Variants in ACAP2 observed in about 807,000 individuals in gnomAD.
ACAP2 encodes the protein arf-GAP with coiled-coil, ANK repeat and PH domain-containing protein 2.
In ACAP2, 39 loss-of-function variants were observed where a neutral mutation model predicts 115.8. That is an observed-to-expected ratio of 0.34 (90% CI 0.26 to 0.44). ACAP2 has a LOEUF of 0.44. Among genes scored for constraint, ACAP2 ranks in the 20% least tolerant of loss-of-function variants. The pLI is 1.00. For synonymous variants in ACAP2, 289 were observed against 315.8 expected, an observed-to-expected ratio of 0.92 and a Z score of 0.90; for missense variants, 662 against 927.6, an observed-to-expected ratio of 0.71 and a Z score of 3.72.
At chr3:195,415,173 A>G (rs1713612884) in intron 1 of ACAP2, among the ~76,000 whole-genome samples, 1 of 152,218 alleles carries the variant, frequency 6.6e-6, no homozygotes, top group Non-Finnish European at 1.5e-5. Context: ...TCATTCTGGT[A>G]CAGGATGTTG....
chr3:195,429,378 CA>C (rs546876570), intron 1 of ACAP2, among the ~76,000 whole-genome samples: 1,760 of 89,038 alleles, frequency 0.02, 12 homozygotes, highest in African/African-American at 0.038. Flanking sequence ...GACTCCATCT[CA>C]AAAAAAAAAA....
At chr3:195,378,516 A>C (rs1011501767) in intron 4 of ACAP2, among the ~76,000 whole-genome samples, 4 of 141,122 alleles carry the variant, frequency 2.8e-5, no homozygotes, top group Non-Finnish European at 6.1e-5. Flanking sequence ...ACAAACAAAC[A>C]AAAAAAAACA....
At chr3:195,347,286 A>G (rs374323933) in intron 4 of ACAP2, among the ~76,000 whole-genome samples, 10 of 152,284 alleles carry the variant, frequency 6.6e-5, no homozygotes, top group East Asian at 3.9e-4. Flanking sequence ...GAACACTAAC[A>G]ACATTTAAGA....
intron 9 of ACAP2, among the ~76,000 whole-genome samples, chr3:195,323,232 A>G (rs912987753): frequency 3.3e-4 from 50 of 152,168 alleles, no homozygotes; most frequent in African/African-American, 1.2e-3. Context: ...ACTCCTAGCC[A>G]GCAAAATAAC....
chr3:195,440,004 C>T lies in ACAP2; in HGVS notation c.53+2791G>A, dbSNP rs138400640. On this transcript the variant is annotated intron_variant, in intron 1 of 22. Coordinates refer to ENST00000326793, the MANE Select transcript of ACAP2 (RefSeq NM_012287.6). ...AATTTTAAAGACCTACTACATGCAA[C>T]TACATACAATTAAGGGCCCAAACAA... 9.4e-3 allele frequency among the ~76,000 whole-genome samples: 1,429 copies of T among 152,214 alleles called. 14 individuals are homozygous for T. The highest frequency in any genetic ancestry group is 0.031 in the Middle Eastern group (9 of 294).
rs1172183103 is a variant in ACAP2 at position 195,278,692 on chromosome 3, C to T, written c.*636G>A. 6.6e-6 allele frequency: 1 copy of T among 151,782 alleles called. No homozygotes were observed. The highest frequency in any genetic ancestry group is 1.5e-5 in the Non-Finnish European group (1 of 67,968). The allele number at this position is 151,782 out of a possible 1,614,324, so 9.4% of individuals were successfully genotyped here. On this transcript the variant is annotated 3_prime_UTR_variant, in exon 23 of 23. Transcript: ENST00000326793. ...AGGACTGAATTATGGTCTACCTGTA[C>T]AGCCATTATACATACATACATTAAA...
At chr3:195,332,765 G>A (rs893694090) in intron 8 of ACAP2, among the ~76,000 whole-genome samples, 3 of 152,112 alleles carry the variant, frequency 2.0e-5, no homozygotes, top group African/African-American at 2.4e-5. Context: ...TTTCTCCTGC[G>A]TTCATTCTCC....
chr3:195,365,998 C>T (rs1022958128), intron 4 of ACAP2, among the ~76,000 whole-genome samples: 1 of 152,046 alleles, frequency 6.6e-6, no homozygotes, highest in Non-Finnish European at 1.5e-5. Flanking sequence ...CGCGCCACCA[C>T]ACCCGAATAA....
rs6787739 is a variant in ACAP2, at chr3:195,293,963, C to T, written c.1765+756G>A. ...CCTGGCTAACATGGTGAAACCCCAC[C>T]TCTACTAAAAATACAAAAAAAAAAA... On this transcript the variant is annotated intron_variant, in intron 18 of 22. Coordinates refer to ENST00000326793, the MANE Select transcript of ACAP2 (RefSeq NM_012287.6). Among the ~76,000 whole-genome samples, 432 of 151,062 alleles carry T rather than the reference C, an allele frequency of 2.9e-3. 6 individuals carry two copies. The highest frequency in any genetic ancestry group is 8.0e-4 in the Non-Finnish European group (54 of 67,762).
intron 1 of ACAP2, among the ~76,000 whole-genome samples, chr3:195,409,897 A>G (rs1474040680): frequency 6.6e-6 from 1 of 150,690 alleles, no homozygotes; most frequent in African/African-American, 2.4e-5. Flanking sequence ...AAAAAAAAAA[A>G]AAAAAAAAAC....
At chr3:195,382,346 A>G (rs1372193919) in intron 2 of ACAP2, among the ~76,000 whole-genome samples, 6 of 152,244 alleles carry the variant, frequency 3.9e-5, no homozygotes, top group South Asian at 4.1e-4. Flanking sequence ...GCAGATAGCT[A>G]AAGTGATTAA....
intron 10 of ACAP2, among the ~76,000 whole-genome samples, chr3:195,315,693 AGT>A: frequency 6.6e-6 from 1 of 152,338 alleles, no homozygotes; most frequent in Middle Eastern, 3.4e-3. Flanking sequence ...CTATGATTCT[AGT>A]CAATAACTGC....
chr3:195,289,164 A>T lies in ACAP2; in HGVS notation c.2131T>A (p.Leu711Met). The change falls in exon 21 of 23, where the codon TTG becomes ATG. Residue 711 changes from leucine (L) to methionine (M), a missense_variant. This residue lies in a region of ACAP2 where 128 missense variants were observed against 200.2 expected (regional missense o/e 0.64). Coordinates refer to ENST00000326793, the MANE Select transcript of ACAP2 (RefSeq NM_012287.6). ...HATDEEGKDP[L>M]SIAVEAANAD... ...TTGGCTGCTTCCACAGCTATGCTCAAAGGGTCTTTCCCTTCTTCATCAGTG... is the reference window on the plus strand; with the variant it reads ...TTGGCTGCTTCCACAGCTATGCTCATAGGGTCTTTCCCTTCTTCATCAGTG... 1 of 1,613,690 alleles carries T rather than the reference A, an allele frequency of 6.2e-7. No homozygotes were observed. The highest frequency in any genetic ancestry group is 8.5e-7 in the Non-Finnish European group (1 of 1,179,894).
At chr3:195,420,930 C>T (rs1487871196) in intron 1 of ACAP2, among the ~76,000 whole-genome samples, 1 of 152,206 alleles carries the variant, frequency 6.6e-6, no homozygotes, top group South Asian at 2.1e-4. Flanking sequence ...AGGTGTGAGC[C>T]GCCGCACCTG....
intron 8 of ACAP2, among the ~76,000 whole-genome samples, chr3:195,328,699 A>G (rs976540118): frequency 6.6e-6 from 1 of 152,252 alleles, no homozygotes; most frequent in Admixed American, 6.5e-5. Flanking sequence ...GTAGCCCTCA[A>G]ATTCAAAATA....
rs987042941 is a variant in ACAP2 at position 195,275,735 on chromosome 3, T to C, written c.*3593A>G. 1 of 152,202 alleles carries C rather than the reference T, an allele frequency of 6.6e-6. No individual in the cohort carries two copies. Among genetic ancestry groups the C allele is most frequent in the Non-Finnish European group, 1.5e-5 (1 of 68,036 alleles). The allele number at this position is 152,202 out of a possible 1,614,324, so 9.4% of individuals were successfully genotyped here. ...CTAGGATCAAAAAAGTAGACAACTT[T>C]GGAGCTTAGATTAAGATCTCAGAAA... On this transcript the variant is annotated 3_prime_UTR_variant, in exon 23 of 23. Coordinates refer to ENST00000326793, the MANE Select transcript of ACAP2 (RefSeq NM_012287.6).
At chr3:195,394,671 C>T (rs1010823655) in intron 1 of ACAP2, among the ~76,000 whole-genome samples, 3 of 152,240 alleles carry the variant, frequency 2.0e-5, no homozygotes, top group East Asian at 1.9e-4. Context: ...CAAAAAGTAG[C>T]GTCAGGCCAG....
chr3:195,301,990 C>T lies in ACAP2; in HGVS notation c.1301G>A (p.Cys434Tyr). The T allele has an allele frequency of 1.9e-6, 3 of 1,613,670 alleles. No individual in the cohort carries two copies. The highest frequency in any genetic ancestry group is 2.5e-6 in the Non-Finnish European group (3 of 1,180,026). The change falls in exon 14 of 23, where the codon TGT becomes TAT. Residue 434 changes from cysteine (C) to tyrosine (Y), a missense_variant. Cys to Tyr is a radical substitution (Grantham distance 194). Transcript: ENST00000326793. Reference sequence around the variant, plus strand: ...CCGGTGAATTCCGGAGCACTCGATACACAAGGTGATGCCCAGGTTGATGCT... The same window carrying T: ...CCGGTGAATTCCGGAGCACTCGATATACAAGGTGATGCCCAGGTTGATGCT... ...WASINLGITL[C>Y]IECSGIHRSL...
intron 4 of ACAP2, among the ~76,000 whole-genome samples, chr3:195,373,422 C>A (rs1257177172): frequency 1.3e-5 from 2 of 152,130 alleles, no homozygotes; most frequent in African/African-American, 4.8e-5. Context: ...GAGAATATCA[C>A]TGTCTTCCAT....
Sources: allele counts gnomAD v4.1 joint callset (sites outside exome capture counted in the v4.1 genomes callset), GRCh38; gene constraint gnomAD v4.1.1; regional missense constraint gnomAD v4.1.1; transcripts MANE v1.5; gene names NCBI Gene and HGNC (gene_info 2026-07-23, HGNC 2026-07-21).